TMEM181: variants seen among roughly 807,000 people sequenced by gnomAD.
TMEM181 encodes transmembrane protein 181.
Under a neutral mutation model 71.9 loss-of-function variants are expected in TMEM181, and 39 were observed. The ratio of observed to expected loss-of-function variants is 0.54; its 90% CI spans 0.42 to 0.71. The LOEUF (loss-of-function observed/expected upper bound fraction) is 0.71, where lower values mean the gene tolerates loss of function less well. Among genes scored for constraint, TMEM181 ranks in the 30% least tolerant of loss-of-function variants. The pLI, the probability that TMEM181 is intolerant of heterozygous loss-of-function variation, is 0.00. For missense variants in TMEM181, 595 were observed against 583.0 expected (o/e 1.02, Z -0.21); for synonymous variants, 245 against 228.8 (o/e 1.07, Z -0.64).
rs552268140 is a variant in TMEM181 at position 158,571,512 on chromosome 6, A to G, written c.9-1908A>G. On this transcript the variant is annotated intron_variant, in intron 1 of 16. Coordinates refer to ENST00000684151, the MANE Select transcript of TMEM181 (RefSeq NM_001376852.1). ...ACGGGGTTTCATCGTGTTGGCCAGG[A>G]TGGTCTCAATCTCCTGACCTCGTGA... 1.1e-4 allele frequency among the ~76,000 whole-genome samples: 16 copies of G among 145,728 alleles called. 3 individuals are homozygous for G. The highest frequency in any genetic ancestry group is 2.2e-4 in the South Asian group (1 of 4,604).
In TMEM181 at chr6:158,633,737, G is replaced by C. The variant is rs558350323; in HGVS notation, c.*1849G>C. 1 of 152,194 alleles carries C rather than the reference G, an allele frequency of 6.6e-6. No individual in the cohort carries two copies. Among genetic ancestry groups the C allele is most frequent in the African/African-American group, 2.4e-5 (1 of 41,520 alleles). 9.4% of individuals were successfully genotyped at this position (152,194 alleles called of 1,614,324 possible). ...TTTGTTTTAAAAACCTTGTAAATAT[G>C]AATGTTTAAGACAACTTACTGCAAG... On this transcript the variant is annotated 3_prime_UTR_variant, in exon 17 of 17. Transcript: ENST00000684151.
chr6:158,578,625 G>C (rs868079252), intron 2 of TMEM181, among the ~76,000 whole-genome samples: 3 of 152,138 alleles, frequency 2.0e-5, no homozygotes, highest in African/African-American at 7.2e-5. Flanking sequence ...TGTTAAGCTG[G>C]TATAAATTTA....
chr6:158,626,820 A>T (rs1393173991), intron 13 of TMEM181: 2 of 403,636 alleles, frequency 5.0e-6, no homozygotes, highest in Non-Finnish European at 1.0e-5. Flanking sequence ...ACCCACCCTC[A>T]CACACACACC....
At chr6:158,537,223 C>G (rs548522355) in intron 1 of TMEM181, among the ~76,000 whole-genome samples, 1 of 152,188 alleles carries the variant, frequency 6.6e-6, no homozygotes, top group South Asian at 2.1e-4. Flanking sequence ...TCCCCCCGCG[C>G]CCGCCTCGCC....
intron 10 of TMEM181, among the ~76,000 whole-genome samples, chr6:158,616,520 T>C (rs1785622895): frequency 6.6e-6 from 1 of 152,214 alleles, no homozygotes; most frequent in Non-Finnish European, 1.5e-5. Flanking sequence ...TCCAATACTA[T>C]GTTGAATAGG....
intron 6 of TMEM181, among the ~76,000 whole-genome samples, chr6:158,603,045 T>G (rs909667428): frequency 3.9e-5 from 6 of 152,232 alleles, no homozygotes; most frequent in African/African-American, 7.2e-5. Context: ...GTGCTTCTTG[T>G]ACTTTTCCTC....
intron 1 of TMEM181, among the ~76,000 whole-genome samples, chr6:158,544,182 A>AGAGAGAGTGTGTGTGTGTGTGTGT (rs149735409): frequency 8.5e-4 from 108 of 127,640 alleles, no homozygotes; most frequent in Middle Eastern, 7.8e-3. Context: ...AATTGGAGAG[A>AGAGAGAGTGTGTGTGTGTGTGTGT]GTGTGTGTGT....
At position 158,589,698 on chromosome 6, in the gene TMEM181, C is replaced by A; in HGVS notation, c.408C>A (p.His136Gln). The change falls in exon 6 of 17, where the codon CAC (histidine) becomes CAA (glutamine). Residue 136 changes from histidine (H) to glutamine (Q), a missense_variant. His to Gln is a conservative substitution (Grantham distance 24). Transcript: ENST00000684151. ...AGKCAEIIVA[H>Q]LGYLNYTQYT... ...AATGTGCGGAGATTATTGTGGCTCACCTTGGCTACCTGAACTACACTCAGT... is the reference window on the plus strand; with the variant it reads ...AATGTGCGGAGATTATTGTGGCTCAACTTGGCTACCTGAACTACACTCAGT... 1 of 1,614,064 alleles carries A rather than the reference C, an allele frequency of 6.2e-7. No homozygotes were observed. Among genetic ancestry groups the A allele is most frequent in the East Asian group, 2.2e-5 (1 of 44,880 alleles).
intron 1 of TMEM181, among the ~76,000 whole-genome samples, chr6:158,541,898 CTTTTTTTTTT>C (rs10583860): frequency 6.0e-5 from 4 of 66,626 alleles, no homozygotes; most frequent in African/African-American, 1.2e-4. Context: ...GGGATTTTAT[CTTTTTTTTTT>C]TTTTTTTTTT....
intron 15 of TMEM181, among the ~76,000 whole-genome samples, chr6:158,630,475 G>A (rs999659769): frequency 1.3e-5 from 2 of 152,196 alleles, no homozygotes; most frequent in Non-Finnish European, 2.9e-5. Flanking sequence ...CTCGGTGACA[G>A]AATGAGACCC....
At chr6:158,589,113 C>G (rs957214412) in intron 5 of TMEM181, among the ~76,000 whole-genome samples, 2 of 152,218 alleles carry the variant, frequency 1.3e-5, no homozygotes, top group Non-Finnish European at 2.9e-5. Flanking sequence ...CACACGTATC[C>G]TCACATCTGC....
chr6:158,626,958 T>TCACCCTCACCCTCACC (rs1786333683), intron 13 of TMEM181, among the ~76,000 whole-genome samples: 1 of 66,428 alleles, frequency 1.5e-5, no homozygotes, highest in African/African-American at 4.9e-5. Flanking sequence ...TCACCCTCAC[T>TCACCCTCACCCTCACC]CACACCCTCT....
chr6:158,556,772 A>T (rs560880285), upstream of TMEM181, among the ~76,000 whole-genome samples: 520 of 151,624 alleles, frequency 3.4e-3, 4 homozygotes, highest in Admixed American at 4.1e-3. Context: ...TGTTTTTGGT[A>T]TTTTTTTTGA....
At position 158,605,380 on chromosome 6, in the gene TMEM181, A is replaced by T. The variant is rs755227010; in HGVS notation, c.573+33A>T. On this transcript the variant is annotated intron_variant, in intron 7 of 16. Transcript: ENST00000684151. ...CCATTCGCCTGATGGACCGCAGCAGATCCCAGCCAGGAAGAAGCTGGTTTA... is the reference window on the plus strand; with the variant it reads ...CCATTCGCCTGATGGACCGCAGCAGTTCCCAGCCAGGAAGAAGCTGGTTTA... 3.5e-5 allele frequency: 56 copies of T among 1,599,192 alleles called. No individual in the cohort carries two copies. In the Admixed American group the frequency reaches 9.0e-4, roughly 26 times the overall value.
At chr6:158,572,527 T>C in intron 1 of TMEM181, 1 of 455,712 alleles carries the variant, frequency 2.2e-6, no homozygotes, top group Admixed American at 2.3e-5. Flanking sequence ...CTTTTGTCGA[T>C]GGTTTGACTG....
At chr6:158,548,450 G>C (rs1562614229) in intron 1 of TMEM181, among the ~76,000 whole-genome samples, 1 of 152,192 alleles carries the variant, frequency 6.6e-6, no homozygotes, top group Non-Finnish European at 1.5e-5. Flanking sequence ...ATCCTGGTTT[G>C]TCTGGGACTG....
At chr6:158,579,353 G>C (rs1007745989) in intron 2 of TMEM181, among the ~76,000 whole-genome samples, 38 of 151,950 alleles carry the variant, frequency 2.5e-4, no homozygotes, top group Non-Finnish European at 1.0e-4. Context: ...ATCAACCACA[G>C]TATCCATTGA....
chr6:158,562,792 T>C (rs1007379631), intron 1 of TMEM181, among the ~76,000 whole-genome samples: 12 of 152,216 alleles, frequency 7.9e-5, no homozygotes, highest in African/African-American at 2.7e-4. Flanking sequence ...AAAAGATAAC[T>C]GTGAGTGTTC....
upstream of TMEM181, chr6:158,560,041 C>T (rs1014197380): frequency 4.1e-6 from 4 of 985,134 alleles, no homozygotes; most frequent in African/African-American, 3.5e-5. Context: ...GCGCCCTCTT[C>T]CGCCGTGAGA....
Sources: gnomAD v4.1 joint callset for allele counts (sites outside exome capture counted in the v4.1 genomes callset) on GRCh38, gnomAD v4.1.1 for gene constraint, MANE v1.5 for transcripts, NCBI Gene and HGNC (gene_info 2026-07-23, HGNC 2026-07-21) for gene names.